The following EPAS1 variants were observed in gnomAD, a reference collection of about 807,000 sequenced individuals.
EPAS1 encodes endothelial PAS domain-containing protein 1.
EPAS1 carries 23 observed loss-of-function variants against 87.9 expected under a neutral mutation model. That is an observed-to-expected ratio of 0.26 (90% confidence interval 0.19 to 0.37). The LOEUF is 0.37. EPAS1 is among the 10% of genes least tolerant of loss of function. The probability of loss-of-function intolerance (pLI) is 1.00; values close to 1 mark genes in which losing one functional copy is unlikely to be tolerated. For synonymous variants in EPAS1, 508 were observed against 444.3 expected, an observed-to-expected ratio of 1.14 and a Z score of -1.80; for missense variants, 1,138 against 1,120.7, an observed-to-expected ratio of 1.02 and a Z score of -0.22.
chr2:46,321,981 A>C (rs568313106), intron 1 of EPAS1, among the ~76,000 whole-genome samples: 2 of 152,282 alleles, frequency 1.3e-5, no homozygotes, highest in African/African-American at 4.8e-5. Context: ...GGTTTAAGGC[A>C]AGCTTGCTGT....
chr2:46,365,818 A>G (rs1369016656), intron 6 of EPAS1, among the ~76,000 whole-genome samples: 1 of 152,248 alleles, frequency 6.6e-6, no homozygotes, highest in Non-Finnish European at 1.5e-5. Context: ...CAAAGCTTAT[A>G]AGCACATATA....
At chr2:46,370,489 A>AGCTT (rs1684606381) in intron 7 of EPAS1, among the ~76,000 whole-genome samples, 1 of 152,108 alleles carries the variant, frequency 6.6e-6, no homozygotes, top group South Asian at 2.1e-4. Context: ...GTTCTCAGAG[A>AGCTT]GCTTGCTTGC....
chr2:46,364,555 AT>A (rs1157665573), intron 6 of EPAS1, among the ~76,000 whole-genome samples: 34 of 152,250 alleles, frequency 2.2e-4, no homozygotes, highest in Admixed American at 2.2e-3. Context: ...TTCAAAATGC[AT>A]TTGTCCTCCT....
Position 46,375,247 on chromosome 2 carries a change from TC to T in EPAS1, c.887-437del. 8.4e-6 allele frequency among the ~76,000 whole-genome samples: 1 copy of T among 119,370 alleles called. No homozygotes were observed. The highest frequency in any genetic ancestry group is 2.1e-4 in the East Asian group (1 of 4,784). 78.3% of individuals were successfully genotyped at this position (119,370 alleles called of 152,430 possible). A position where few individuals can be genotyped will look rare whatever the true frequency, so the allele number is the denominator to read the frequency against. On this transcript the variant is annotated intron_variant, in intron 7 of 15. Transcript: ENST00000263734. The surrounding 1 kb of genome is among the most constrained non-coding windows in gnomAD (Gnocchi z 4.1). ...AGGCTTTCTCCAGGCTGCTTAGAAGTCCCCCCACCTGGAGTGCTTGACGGGA... is the reference window on the plus strand; with the variant it reads ...AGGCTTTCTCCAGGCTGCTTAGAAGTCCCCCACCTGGAGTGCTTGACGGGA...
intron 11 of EPAS1, chr2:46,379,881 C>T (rs1684846897): frequency 2.4e-6 from 1 of 409,904 alleles, no homozygotes; most frequent in South Asian, 2.2e-5. Context: ...GGATAACCAC[C>T]ACAGGCTGGA....
chr2:46,375,225 C>T lies in EPAS1; in HGVS notation c.887-465C>T, dbSNP rs1465522695. Among the ~76,000 whole-genome samples the T allele has an allele frequency of 1.4e-5, 2 of 148,114 alleles. No homozygotes were observed. Among genetic ancestry groups the T allele is most frequent in the Non-Finnish European group, 3.0e-5 (2 of 66,858 alleles). ...CAAAAAAAACTGCCCTGAGGTCAGG[C>T]TTTCTCCAGGCTGCTTAGAAGTCCC... On this transcript the variant is annotated intron_variant, in intron 7 of 15. Coordinates refer to ENST00000263734, the MANE Select transcript of EPAS1 (RefSeq NM_001430.5). The surrounding 1 kb of genome is among the most constrained non-coding windows in gnomAD (Gnocchi z 4.1).
At position 46,300,751 on chromosome 2, in the gene EPAS1, C is replaced by T. The variant is rs760003914; in HGVS notation, c.26+2814C>T. On this transcript the variant is annotated intron_variant, in intron 1 of 15. Transcript: ENST00000263734. This position sits in a 1 kb window ranked among gnomAD's most constrained non-coding sequence, Gnocchi z 4.1. ...GATAATCAGGGATCAAAGTCCAGTCCCAAAGCCAGACCTAGGTCCAGACAC... is the reference window on the plus strand; with the variant it reads ...GATAATCAGGGATCAAAGTCCAGTCTCAAAGCCAGACCTAGGTCCAGACAC... Among the ~76,000 whole-genome samples the T allele has an allele frequency of 1.3e-5, 2 of 152,040 alleles. No individual in the cohort carries two copies. Among genetic ancestry groups the T allele is most frequent in the African/African-American group, 2.4e-5 (1 of 41,366 alleles).
rs952693034 is a variant in EPAS1, at chr2:46,320,229, G to C, written c.26+22292G>C. On this transcript the variant is annotated intron_variant, in intron 1 of 15. Transcript: ENST00000263734. ...TTGTTGCCTGCTTTTCAAAGTTTTC[G>C]GTGTGTGGAAATTTGTTGATTTTGT... Among the ~76,000 whole-genome samples the C allele has an allele frequency of 1.1e-4, 16 of 152,246 alleles. No homozygotes were observed. The South Asian group carries it at 1.2e-3, about 12-fold the overall frequency.
intron 1 of EPAS1, among the ~76,000 whole-genome samples, chr2:46,335,140 C>T (rs537205601): frequency 8.5e-5 from 13 of 152,258 alleles, no homozygotes; most frequent in African/African-American, 3.1e-4. Flanking sequence ...GCTTTCTCCC[C>T]CTTCTCTTGC....
chr2:46,381,637 G>T lies in EPAS1; in HGVS notation c.2087G>T (p.Ser696Ile), dbSNP rs1487600759. The T allele has an allele frequency of 6.2e-7, 1 of 1,613,904 alleles. No homozygotes were observed. The highest frequency in any genetic ancestry group is 8.5e-7 in the Non-Finnish European group (1 of 1,180,048). Residue 696 changes from serine (S) to isoleucine (I), a missense_variant, in exon 13 of 16, where the codon AGT (serine) becomes ATT (isoleucine). Ser to Ile is a moderately radical substitution (Grantham distance 142, BLOSUM62 -2). Around this residue, in one of 4 missense-constraint regions of EPAS1, gnomAD observed 502 missense variants for 427.1 expected, o/e 1.18. Coordinates refer to ENST00000263734, the MANE Select transcript of EPAS1 (RefSeq NM_001430.5). ...GGGGCTCGAGGCCCAGACGTGCTGA[G>T]TCCGGCCATGGTAGCCCTCTCCAAC... ...GFGARGPDVL[S>I]PAMVALSNKL...
intron 15 of EPAS1, 157 bp from the exon 16 acceptor site, chr2:46,384,352 G>A (rs546457721): frequency 2.3e-5 from 24 of 1,055,286 alleles, no homozygotes; most frequent in Admixed American, 6.8e-5. Flanking sequence ...AGGCAGACAC[G>A]TTCCCCGGGC....
intron 4 of EPAS1, 80 bp downstream of exon 4, chr2:46,356,888 G>C: frequency 9.9e-7 from 1 of 1,011,872 alleles, no homozygotes. Flanking sequence ...GTATAAGGGA[G>C]ATAGCTCATG....
intron 7 of EPAS1, among the ~76,000 whole-genome samples, chr2:46,374,416 T>G (rs77606293): frequency 0.013 from 1,934 of 152,300 alleles, 21 homozygotes; most frequent in Non-Finnish European, 0.021. Flanking sequence ...TATACAAAAT[T>G]TGTTGGTGAC....
intron 7 of EPAS1, among the ~76,000 whole-genome samples, chr2:46,373,057 C>A (rs1386599211): frequency 6.6e-6 from 1 of 152,210 alleles, no homozygotes; most frequent in Non-Finnish European, 1.5e-5. Context: ...AGCCACCAGA[C>A]ATGTTGTGTA....
intron 2 of EPAS1, among the ~76,000 whole-genome samples, chr2:46,351,121 C>G (rs1388229685): frequency 6.6e-6 from 1 of 152,130 alleles, no homozygotes; most frequent in Non-Finnish European, 1.5e-5. Flanking sequence ...AAATCAAGGC[C>G]TTTTTCTGTC....
chr2:46,318,843 T>C (rs1683397551), intron 1 of EPAS1, among the ~76,000 whole-genome samples: 2 of 152,218 alleles, frequency 1.3e-5, no homozygotes, highest in Non-Finnish European at 2.9e-5. Context: ...TACATGCTAT[T>C]GTGAAATGCA....
At chr2:46,311,554 C>T (rs909857818) in intron 1 of EPAS1, among the ~76,000 whole-genome samples, 1 of 152,194 alleles carries the variant, frequency 6.6e-6, no homozygotes, top group Non-Finnish European at 1.5e-5. Context: ...TCTACCTTCT[C>T]ACAGCTCCAG....
rs35925160 is a variant in EPAS1, at chr2:46,302,118, C to CTCTCTGTGTGTGTG, written c.26+4182_26+4183insCTCTGTGTGTGTGT. Among the ~76,000 whole-genome samples the CTCTCTGTGTGTGTG allele has an allele frequency of 4.2e-3, 542 of 127,638 alleles. 3 individuals are homozygous for CTCTCTGTGTGTGTG. Among genetic ancestry groups the CTCTCTGTGTGTGTG allele is most frequent in the Non-Finnish European group, 6.9e-3 (434 of 63,134 alleles). The allele number at this position is 127,638 out of a possible 152,430, so 83.7% of individuals were successfully genotyped here. On this transcript the variant is annotated intron_variant, in intron 1 of 15. Transcript: ENST00000263734. The stretch of plus-strand genomic sequence containing the variant: ...TTACTTAGAATGTCCCTCTTTCTCT[C>CTCTCTGTGTGTGTG]TGTGTGTGTGTGTGTGTGTGTGTGT...
At chr2:46,335,265 T>G (rs1683766030) in intron 1 of EPAS1, among the ~76,000 whole-genome samples, 1 of 152,202 alleles carries the variant, frequency 6.6e-6, no homozygotes. Context: ...CAGTCCTGAT[T>G]AAAAGTCTAA....
Sources: gnomAD v4.1 joint callset for allele counts (sites outside exome capture counted in the v4.1 genomes callset) on GRCh38, gnomAD v4.1.1 for gene constraint, gnomAD v4.1.1 regional missense constraint, Gnocchi (gnomAD v3.1) non-coding constraint, MANE v1.5 for transcripts, NCBI Gene and HGNC (gene_info 2026-07-23, HGNC 2026-07-21) for gene names.